The following SHISA9 variants were observed in gnomAD, a reference collection of about 807,000 sequenced individuals.
SHISA9 encodes the protein shisa family member 9, also known as protein shisa-9.
In SHISA9, 13 loss-of-function variants were observed where a neutral mutation model predicts 38.0. The ratio of observed to expected loss-of-function variants is 0.34; its 90% CI spans 0.22 to 0.54. The LOEUF (loss-of-function observed/expected upper bound fraction) is 0.54. Among genes scored for constraint, SHISA9 ranks in the 20% least tolerant of loss-of-function variants. The pLI is 0.91. For synonymous variants in SHISA9, 275 were observed against 242.0 expected (o/e 1.14, Z -1.27); for missense variants, 538 against 575.8 (o/e 0.93, Z 0.67).
At chr16:13,196,769 C>T (rs1215488266) in intron 2 of SHISA9, among the ~76,000 whole-genome samples, 1 of 152,098 alleles carries the variant, frequency 6.6e-6, no homozygotes, top group East Asian at 1.9e-4. Flanking sequence ...AAATCTAAAA[C>T]CGTTTCATAG....
intron 2 of SHISA9, among the ~76,000 whole-genome samples, chr16:12,953,507 CATTG>C (rs953081900): frequency 3.5e-4 from 54 of 152,312 alleles, no homozygotes; most frequent in Non-Finnish European, 4.1e-4. Context: ...AGCATAAGGA[CATTG>C]ATTGATTGAA....
the SHISA9 span, among the ~76,000 whole-genome samples, chr16:13,257,497 C>G: frequency 6.6e-6 from 1 of 152,210 alleles, no homozygotes; most frequent in African/African-American, 2.4e-5. Flanking sequence ...TCATCATCAT[C>G]ACCACCATCA....
At chr16:13,311,367 T>C in the SHISA9 span, among the ~76,000 whole-genome samples, 1 of 152,208 alleles carries the variant, frequency 6.6e-6, no homozygotes, top group Admixed American at 6.5e-5. Context: ...AAATATTTCA[T>C]TGTTTATTAG....
chr16:12,909,052 C>T (rs1452791448), intron 1 of SHISA9: 2 of 997,558 alleles, frequency 2.0e-6, no homozygotes, highest in African/African-American at 3.5e-5. Context: ...TCTCATCTTT[C>T]TATGCATTTG....
intron 1 of SHISA9, among the ~76,000 whole-genome samples, chr16:12,905,844 T>G (rs2071085582): frequency 6.6e-6 from 1 of 152,118 alleles, no homozygotes; most frequent in Non-Finnish European, 1.5e-5. Context: ...CATGCGATCC[T>G]TTCACCTCTG....
chr16:13,113,231 A>T (rs1311910721), intron 2 of SHISA9, among the ~76,000 whole-genome samples: 1 of 151,738 alleles, frequency 6.6e-6, no homozygotes, highest in South Asian at 2.1e-4. Flanking sequence ...AAAAAAAAAA[A>T]AATTGAGAAC....
At chr16:13,011,987 A>G (rs2072683018) in intron 2 of SHISA9, among the ~76,000 whole-genome samples, 1 of 151,688 alleles carries the variant, frequency 6.6e-6, no homozygotes, top group Non-Finnish European at 1.5e-5. Flanking sequence ...CGCCACACCC[A>G]GCTAATTTTT....
intron 4 of SHISA9, among the ~76,000 whole-genome samples, chr16:13,214,346 C>T (rs1476126720): frequency 6.6e-6 from 1 of 152,124 alleles, no homozygotes; most frequent in East Asian, 1.9e-4. Flanking sequence ...GGATTACAGG[C>T]ACATGCCACC....
intron 2 of SHISA9, among the ~76,000 whole-genome samples, chr16:13,048,171 A>C (rs563162028): frequency 3.3e-5 from 5 of 152,362 alleles, no homozygotes; most frequent in Admixed American, 1.3e-4. Context: ...CGTATAACTC[A>C]TCTCTTATTT....
At chr16:13,469,665 C>T in the SHISA9 span, among the ~76,000 whole-genome samples, 1 of 152,220 alleles carries the variant, frequency 6.6e-6, no homozygotes. Flanking sequence ...CATTCCCTCA[C>T]ATCCCACCTG....
At chr16:13,144,440 C>T (rs150541778) in intron 2 of SHISA9, among the ~76,000 whole-genome samples, 135 of 152,072 alleles carry the variant, frequency 8.9e-4, no homozygotes, top group Middle Eastern at 3.4e-3. Context: ...TGTGAGCCAC[C>T]GTGCCTGGCT....
At chr16:13,217,424 C>A (rs1185276366) in intron 4 of SHISA9, among the ~76,000 whole-genome samples, 1 of 152,110 alleles carries the variant, frequency 6.6e-6, no homozygotes, top group African/African-American at 2.4e-5. Context: ...AAACTTAAGC[C>A]CAGTGCTACA....
the SHISA9 span, among the ~76,000 whole-genome samples, chr16:13,493,301 G>A: frequency 1.2e-4 from 19 of 152,142 alleles, no homozygotes; most frequent in Admixed American, 1.2e-3. Context: ...TGGGTAATGA[G>A]GGTGGAAATC....
chr16:13,368,799 C>G, the SHISA9 span, among the ~76,000 whole-genome samples: 1 of 151,104 alleles, frequency 6.6e-6, no homozygotes, highest in Non-Finnish European at 1.5e-5. Context: ...ATAATGTTTA[C>G]TTCGACTTCA....
At chr16:13,145,416 A>T (rs1031293538) in intron 2 of SHISA9, among the ~76,000 whole-genome samples, 4 of 152,096 alleles carry the variant, frequency 2.6e-5, no homozygotes, top group African/African-American at 9.7e-5. Context: ...AATCCCAGCT[A>T]CTCGGGAGGC....
chr16:13,067,576 G>T (rs983749599), intron 2 of SHISA9, among the ~76,000 whole-genome samples: 1 of 152,232 alleles, frequency 6.6e-6, no homozygotes, highest in Non-Finnish European at 1.5e-5. Flanking sequence ...AGCCCAGGAG[G>T]TCAAGGCTGC....
chr16:12,936,098 A>C (rs958251037), intron 2 of SHISA9, among the ~76,000 whole-genome samples: 1 of 152,080 alleles, frequency 6.6e-6, no homozygotes, highest in African/African-American at 2.4e-5. Context: ...GGAGTTCTTG[A>C]GTAGATGCAT....
the SHISA9 span, among the ~76,000 whole-genome samples, chr16:13,398,842 C>T: frequency 7.9e-5 from 12 of 152,270 alleles, 1 homozygote; most frequent in South Asian, 1.4e-3. Flanking sequence ...AACTCTAACA[C>T]AGTACCTGGA....
chr16:13,167,072 C>CTTTTTTTTTTTT lies in SHISA9; in HGVS notation c.692-36316_692-36305dup, dbSNP rs11372669. On this transcript the variant is annotated intron_variant, in intron 2 of 4. Coordinates refer to ENST00000558583, the MANE Select transcript of SHISA9 (RefSeq NM_001145204.3). ...CTTCTTCTCTCTCTCTCTCTTTTTT[C>CTTTTTTTTTTTT]TTTTTTTTTTTTTTTTTGAGACAGA... Among the ~76,000 whole-genome samples the CTTTTTTTTTTTT allele has an allele frequency of 5.6e-5, 7 of 124,426 alleles. 1 individual carries two copies. Among genetic ancestry groups the CTTTTTTTTTTTT allele is most frequent in the Non-Finnish European group, 5.0e-5 (3 of 59,942 alleles). 81.6% of individuals were successfully genotyped at this position (124,426 alleles called of 152,430 possible). A position where few individuals can be genotyped will look rare whatever the true frequency, so the allele number is the denominator to read the frequency against.
Sources: allele counts gnomAD v4.1 joint callset (sites outside exome capture counted in the v4.1 genomes callset), GRCh38; gene constraint gnomAD v4.1.1; transcripts MANE v1.5; gene names NCBI Gene and HGNC (gene_info 2026-07-23, HGNC 2026-07-21).